Variants in AQP9 observed in about 807,000 individuals in gnomAD.
AQP9 encodes aquaporin 9.
Under a neutral mutation model 23.8 loss-of-function variants are expected in AQP9, and 19 were observed. That is an observed-to-expected ratio of 0.80 (90% confidence interval 0.56 to 1.17). The LOEUF (loss-of-function observed/expected upper bound fraction) is 1.17. AQP9 is among the 50% of genes most tolerant of loss of function. The probability of loss-of-function intolerance (pLI) is 0.00; values close to 1 mark genes in which losing one functional copy is unlikely to be tolerated. For missense variants in AQP9, 413 were observed against 362.0 expected (o/e 1.14, Z -1.14); for synonymous variants, 153 against 131.5 (o/e 1.16, Z -1.12).
At chr15:58,160,079 T>C (rs566908628) in intron 1 of AQP9, among the ~76,000 whole-genome samples, 1 of 152,304 alleles carries the variant, frequency 6.6e-6, no homozygotes, top group African/African-American at 2.4e-5. Flanking sequence ...CTTAGGAACC[T>C]CCACACTATT....
intron 1 of AQP9, chr15:58,151,402 A>G (rs1222180479): frequency 1.4e-4 from 21 of 152,162 alleles, no homozygotes; most frequent in African/African-American, 4.8e-4. Context: ...GAATTAACAT[A>G]ACTATCCACA....
intron 1 of AQP9, chr15:58,154,458 A>T (rs1343895642): frequency 3.3e-5 from 5 of 152,112 alleles, no homozygotes; most frequent in African/African-American, 1.2e-4. Flanking sequence ...TTCAACCAGC[A>T]ACTGCCACCA....
At chr15:58,155,836 G>C (rs1311918258) in intron 1 of AQP9, 2 of 152,034 alleles carry the variant, frequency 1.3e-5, no homozygotes, top group Non-Finnish European at 2.9e-5. Context: ...GAGGTGTACT[G>C]GCCCTTATAT....
intron 1 of AQP9, 55 bp from the exon 2 acceptor site, chr15:58,166,618 T>C: frequency 6.5e-7 from 1 of 1,540,742 alleles, no homozygotes; most frequent in Non-Finnish European, 8.7e-7. Context: ...TGAGTTTCCA[T>C]TACTTTTGAC....
intron 1 of AQP9, among the ~76,000 whole-genome samples, chr15:58,144,772 T>C (rs901207609): frequency 5.3e-5 from 8 of 151,952 alleles, no homozygotes. Flanking sequence ...TCCCAGCACT[T>C]TGGGAGGCCG....
chr15:58,161,987 G>T (rs1429962622), intron 1 of AQP9, among the ~76,000 whole-genome samples: 15 of 152,106 alleles, frequency 9.9e-5, no homozygotes, highest in African/African-American at 1.7e-4. Flanking sequence ...GAAAAAAAAA[G>T]TTCAACATAT....
At chr15:58,148,148 T>C (rs1214333725) in intron 1 of AQP9, among the ~76,000 whole-genome samples, 1 of 152,160 alleles carries the variant, frequency 6.6e-6, no homozygotes, top group Non-Finnish European at 1.5e-5. Context: ...TTCAAAGCAT[T>C]TTTGTAGGGA....
chr15:58,143,276 T>C (rs1336377897), intron 1 of AQP9, among the ~76,000 whole-genome samples: 1 of 152,204 alleles, frequency 6.6e-6, no homozygotes, highest in African/African-American at 2.4e-5. Context: ...CTTAGATCCT[T>C]GCCTTGAAGC....
At chr15:58,154,523 C>T (rs1439888352) in intron 1 of AQP9, 2 of 151,930 alleles carry the variant, frequency 1.3e-5, no homozygotes, top group Non-Finnish European at 2.9e-5. Flanking sequence ...GCAACCACCT[C>T]GCCCCCTCAC....
intron 4 of AQP9, among the ~76,000 whole-genome samples, chr15:58,176,217 A>T: frequency 6.6e-6 from 1 of 152,170 alleles, no homozygotes; most frequent in East Asian, 1.9e-4. Flanking sequence ...AACAATGCAA[A>T]ATAAGATATA....
Position 58,138,784 on chromosome 15 carries a change from C to T in AQP9, c.111+108C>T, listed in dbSNP as rs770589578. The T allele has an allele frequency of 7.8e-6, 7 of 895,184 alleles. No homozygotes were observed. In the South Asian group the frequency reaches 1.1e-4, roughly 14 times the overall value. 55.5% of individuals were successfully genotyped at this position (895,184 alleles called of 1,614,324 possible). A position where few individuals can be genotyped will look rare whatever the true frequency, so the allele number is the denominator to read the frequency against. ...TTGTTTTATTTAAGTTAATTGGGAT[C>T]AGATTCATCTTTTCCAGGAAGAAAC... On this transcript the variant is annotated intron_variant, in intron 1 of 5. Transcript: ENST00000219919.
chr15:58,139,892 T>A (rs373215446), intron 1 of AQP9, among the ~76,000 whole-genome samples: 1 of 152,206 alleles, frequency 6.6e-6, no homozygotes, highest in African/African-American at 2.4e-5. Context: ...ACTGTCATAA[T>A]GTAGCAAGAC....
Position 58,185,175 on chromosome 15 carries a change from T to A in AQP9, c.*1040T>A, listed in dbSNP as rs569081517. 3 of 152,448 alleles carry A rather than the reference T, an allele frequency of 2.0e-5. No homozygotes were observed. The highest frequency in any genetic ancestry group is 2.4e-5 in the African/African-American group (1 of 41,452). 9.4% of individuals were successfully genotyped at this position (152,448 alleles called of 1,614,324 possible). A position where few individuals can be genotyped will look rare whatever the true frequency, so the allele number is the denominator to read the frequency against. ...CCTCATAATGACTATGTGAGGCAAATGCCACATTGCCCATTTTTCAGATAA... is the reference window on the plus strand; with the variant it reads ...CCTCATAATGACTATGTGAGGCAAAAGCCACATTGCCCATTTTTCAGATAA... On this transcript the variant is annotated 3_prime_UTR_variant, in exon 6 of 6. Coordinates refer to ENST00000219919, the MANE Select transcript of AQP9 (RefSeq NM_020980.5).
At chr15:58,145,638 T>C (rs1898031787) in intron 1 of AQP9, among the ~76,000 whole-genome samples, 1 of 152,170 alleles carries the variant, frequency 6.6e-6, no homozygotes, top group South Asian at 2.1e-4. Flanking sequence ...TTTAAATTTT[T>C]CCCTCATTAT....
intron 5 of AQP9, among the ~76,000 whole-genome samples, chr15:58,181,153 T>C (rs1898880058): frequency 6.6e-6 from 1 of 152,188 alleles, no homozygotes; most frequent in Admixed American, 6.5e-5. Context: ...CTGTTAAGTA[T>C]ATGTTAGGAG....
chr15:58,152,052 T>C (rs1354071821), intron 1 of AQP9: 1 of 152,152 alleles, frequency 6.6e-6, no homozygotes, highest in Non-Finnish European at 1.5e-5. Flanking sequence ...TTTGAACCCC[T>C]TGAAGCTTTA....
At chr15:58,175,486 C>A (rs1029929668) in intron 4 of AQP9, among the ~76,000 whole-genome samples, 6 of 152,202 alleles carry the variant, frequency 3.9e-5, no homozygotes, top group Admixed American at 1.3e-4. Flanking sequence ...TTTATTTAAA[C>A]TCTCAAGGTG....
At chr15:58,154,960 A>C (rs905390187) in intron 1 of AQP9, 1 of 152,254 alleles carries the variant, frequency 6.6e-6, no homozygotes, top group East Asian at 1.9e-4. Flanking sequence ...AAGAACACTA[A>C]TGACCAAAAT....
upstream of AQP9, chr15:58,138,362 C>A (rs565029613): frequency 1.2e-4 from 55 of 462,980 alleles, 1 homozygote; most frequent in South Asian, 2.0e-3. Context: ...CAAATAGCAG[C>A]GAACAGGGAA....
Sources: gnomAD v4.1 joint callset for allele counts (sites outside exome capture counted in the v4.1 genomes callset) on GRCh38, gnomAD v4.1.1 for gene constraint, MANE v1.5 for transcripts, NCBI Gene and HGNC (gene_info 2026-07-23, HGNC 2026-07-21) for gene names.